The following KLRG1 variants were observed in gnomAD, a reference collection of about 807,000 sequenced individuals.
KLRG1 encodes the protein killer cell lectin like receptor G1, also known as killer cell lectin-like receptor subfamily G member 1.
KLRG1 carries 16 observed loss-of-function variants against 21.8 expected under a neutral mutation model. The observed-to-expected ratio is 0.73, with a 90% CI of 0.50 to 1.11. The LOEUF is 1.11. KLRG1 is among the 50% of genes most tolerant of loss of function. The pLI is 0.00. For missense variants in KLRG1, 173 were observed against 218.3 expected, an observed-to-expected ratio of 0.79 and a Z score of 1.31; for synonymous variants, 69 against 75.9, an observed-to-expected ratio of 0.91 and a Z score of 0.47.
chr12:8,953,030 C>T (rs183801901), intron 1 of KLRG1, among the ~76,000 whole-genome samples: 2 of 134,310 alleles, frequency 1.5e-5, no homozygotes, highest in Non-Finnish European at 3.2e-5. Flanking sequence ...ACCAGGGACC[C>T]GTCCATAGCT....
At chr12:9,091,198 T>C in the KLRG1 span, 5 of 1,613,066 alleles carry the variant, frequency 3.1e-6, no homozygotes, top group South Asian at 1.1e-5. Context: ...AAGAGATCCT[T>C]ACCCGGATGC....
chr12:8,984,729 C>T (rs1250237349), upstream of KLRG1, among the ~76,000 whole-genome samples: 7 of 152,076 alleles, frequency 4.6e-5, no homozygotes, highest in Admixed American at 3.9e-4. Flanking sequence ...TTTGCTAGTT[C>T]CAGCATCTAT....
chr12:9,072,812 A>T, the KLRG1 span: 1 of 1,614,086 alleles, frequency 6.2e-7, no homozygotes, highest in Non-Finnish European at 8.5e-7. Context: ...CAGCCTTCCC[A>T]GTCCTGGTAA....
the KLRG1 span, among the ~76,000 whole-genome samples, chr12:9,188,393 A>G: frequency 3.9e-5 from 6 of 152,230 alleles, no homozygotes; most frequent in Admixed American, 2.6e-4. Context: ...ACAGCCATCT[A>G]TGACAAACCC....
the KLRG1 span, chr12:9,202,622 C>A: frequency 1.2e-6 from 2 of 1,614,052 alleles, no homozygotes; most frequent in South Asian, 1.1e-5. Context: ...TGAAATCTTG[C>A]GTAGGCCCCT....
At chr12:9,056,482 C>T in the KLRG1 span, among the ~76,000 whole-genome samples, 31 of 152,234 alleles carry the variant, frequency 2.0e-4, no homozygotes, top group Non-Finnish European at 3.1e-4. Flanking sequence ...ATGTTTTCCT[C>T]ATCTGAAAGA....
chr12:9,164,808 A>G, the KLRG1 span, among the ~76,000 whole-genome samples: 1 of 152,212 alleles, frequency 6.6e-6, no homozygotes, highest in Non-Finnish European at 1.5e-5. Context: ...CGGGTTGGAG[A>G]ATGACTCTCG....
the KLRG1 span, among the ~76,000 whole-genome samples, chr12:9,107,218 C>T: frequency 6.6e-6 from 1 of 152,264 alleles, no homozygotes; most frequent in East Asian, 1.9e-4. Flanking sequence ...GAGAGCAGAA[C>T]TGATGGCCTG....
chr12:8,985,955 C>T (rs758466964), upstream of KLRG1, among the ~76,000 whole-genome samples: 1 of 152,156 alleles, frequency 6.6e-6, no homozygotes, highest in Non-Finnish European at 1.5e-5. Context: ...TAGAGTCCTG[C>T]CTTGAGGCAG....
intron 1 of KLRG1, among the ~76,000 whole-genome samples, chr12:8,963,746 T>C (rs1946418527): frequency 6.6e-6 from 1 of 152,236 alleles, no homozygotes; most frequent in Non-Finnish European, 1.5e-5. Flanking sequence ...ATTCAACTTC[T>C]TCCTGGTTTA....
the KLRG1 span, chr12:9,109,272 G>C: frequency 6.9e-7 from 1 of 1,455,948 alleles, no homozygotes. Flanking sequence ...CAAATGGTGA[G>C]TCTCTTTTAA....
At chr12:9,176,097 G>GT in the KLRG1 span, among the ~76,000 whole-genome samples, 1 of 152,130 alleles carries the variant, frequency 6.6e-6, no homozygotes, top group East Asian at 1.9e-4. Flanking sequence ...AGAAAATGTG[G>GT]TACATATACA....
intron 1 of KLRG1, among the ~76,000 whole-genome samples, chr12:8,974,153 T>G (rs1029276755): frequency 6.7e-6 from 1 of 149,346 alleles, no homozygotes; most frequent in African/African-American, 2.4e-5. Context: ...TTTTTTGTTT[T>G]TTTGTTTGTT....
At position 8,970,719 on chromosome 12, in the gene KLRG1, C is replaced by T. The variant is rs749314639; in HGVS notation, c.-156+20483C>T. On this transcript the variant is annotated intron_variant, in intron 1 of 4. Coordinates refer to the KLRG1 transcript ENST00000539240. ...TACTGAGATAACATTCAATATTTCA[C>T]CTTAAGTGTGTTAGGTTAGTTGTAG... 7.9e-5 allele frequency among the ~76,000 whole-genome samples: 12 copies of T among 152,278 alleles called. No homozygotes were observed. In the South Asian group the frequency reaches 2.5e-3, roughly 32 times the overall value.
chr12:9,067,315 G>A, the KLRG1 span: 1 of 197,018 alleles, frequency 5.1e-6, no homozygotes, highest in Admixed American at 5.4e-5. Context: ...TGTAACATAG[G>A]ACACATCACT....
At chr12:9,193,969 G>A in the KLRG1 span, 1 of 1,085,018 alleles carries the variant, frequency 9.2e-7, no homozygotes, top group Non-Finnish European at 1.3e-6. Context: ...CTCAAAGTTA[G>A]ATATCTTCTT....
chr12:9,003,791 G>A (rs1048038872), intron 3 of KLRG1, among the ~76,000 whole-genome samples: 17 of 151,708 alleles, frequency 1.1e-4, no homozygotes, highest in Non-Finnish European at 2.1e-4. Context: ...CCATGCTGGC[G>A]TGCTGCACCC....
chr12:9,059,651 CTTTA>C, the KLRG1 span, among the ~76,000 whole-genome samples: 6 of 152,102 alleles, frequency 3.9e-5, no homozygotes, highest in Middle Eastern at 3.2e-3. Flanking sequence ...GCCCTGACAT[CTTTA>C]TTTATTTTTG....
the KLRG1 span, among the ~76,000 whole-genome samples, chr12:9,211,547 C>A: frequency 6.6e-6 from 1 of 152,092 alleles, no homozygotes; most frequent in African/African-American, 2.4e-5. Context: ...TACTGAGCAT[C>A]TTTAAGATGA....
Sources: allele counts gnomAD v4.1 joint callset (sites outside exome capture counted in the v4.1 genomes callset), GRCh38; gene constraint gnomAD v4.1.1; transcripts MANE v1.5; gene names NCBI Gene and HGNC (gene_info 2026-07-23, HGNC 2026-07-21).